Variants in PTCHD4 observed in about 807,000 individuals in gnomAD.
The protein encoded by PTCHD4 is patched domain containing 4.
Under a neutral mutation model 58.1 loss-of-function variants are expected in PTCHD4, and 33 were observed. The ratio of observed to expected loss-of-function variants is 0.57; its 90% CI spans 0.43 to 0.76. The LOEUF (loss-of-function observed/expected upper bound fraction) is 0.76. Among genes scored for constraint, PTCHD4 ranks in the 30% least tolerant of loss-of-function variants. PTCHD4 has a pLI of 0.00. For synonymous variants in PTCHD4, 478 were observed against 409.6 expected (o/e 1.17, Z -2.02); for missense variants, 1,058 against 1,027.1 (o/e 1.03, Z -0.41).
chr6:48,007,944 A>G (rs1040270436), intron 4 of PTCHD4, among the ~76,000 whole-genome samples: 2 of 151,278 alleles, frequency 1.3e-5, no homozygotes, highest in African/African-American at 4.9e-5. Context: ...GCGCACACAC[A>G]CACACACACA....
chr6:48,062,480 CTTTTAATCCTT>C (rs772413717), intron 3 of PTCHD4, among the ~76,000 whole-genome samples: 6 of 151,994 alleles, frequency 3.9e-5, no homozygotes, highest in Non-Finnish European at 8.8e-5. Flanking sequence ...TTTTAACCCT[CTTTTAATCCTT>C]GACTTAGGAA....
intron 4 of PTCHD4, among the ~76,000 whole-genome samples, chr6:47,926,873 A>G (rs1437029639): frequency 6.6e-6 from 1 of 152,220 alleles, no homozygotes; most frequent in Non-Finnish European, 1.5e-5. Flanking sequence ...CTGACACTAA[A>G]ACCTGATAAC....
At chr6:48,035,898 TG>T (rs1466314618) in intron 3 of PTCHD4, among the ~76,000 whole-genome samples, 3 of 152,164 alleles carry the variant, frequency 2.0e-5, no homozygotes, top group Non-Finnish European at 4.4e-5. Flanking sequence ...TTTCGTTGGT[TG>T]TATTCAGAGT....
chr6:47,895,296 T>A (rs1056800955), intron 4 of PTCHD4, among the ~76,000 whole-genome samples: 2 of 152,162 alleles, frequency 1.3e-5, no homozygotes, highest in African/African-American at 4.8e-5. Context: ...TAAACCTATA[T>A]AAAAACTCTA....
Position 47,879,095 on chromosome 6 carries a change from T to C in PTCHD4, c.1740A>G (p.Pro580=), listed in dbSNP as rs1260460849. The change falls in exon 5 of 5, where the codon CCA becomes CCG. Residue 580 remains proline (P), a synonymous_variant. Coordinates refer to ENST00000339488, the MANE Select transcript of PTCHD4 (RefSeq NM_001384253.1). ...TATCATTTCGAAAATGCTGGAATTC[T>C]GGCTTTTTTAAAAATGAGCTTTGCA... The part of the protein sequence containing the change: ...SVLQSSFLKK[P]EFQHFRNDII... 6.2e-7 allele frequency: 1 copy of C among 1,613,022 alleles called. No homozygotes were observed. Among genetic ancestry groups the C allele is most frequent in the African/African-American group, 1.3e-5 (1 of 74,894 alleles).
At chr6:48,085,714 G>C (rs916156738) in intron 1 of PTCHD4, among the ~76,000 whole-genome samples, 8 of 152,130 alleles carry the variant, frequency 5.3e-5, no homozygotes, top group African/African-American at 1.4e-4. Context: ...TAAGTGAGCT[G>C]CTGAGAAATT....
intron 4 of PTCHD4, among the ~76,000 whole-genome samples, chr6:47,960,904 G>A (rs1287490179): frequency 6.7e-6 from 1 of 150,188 alleles, no homozygotes; most frequent in African/African-American, 2.4e-5. Context: ...AAATCAGCAG[G>A]GTGATAGATG....
chr6:47,946,768 G>A (rs1359912283), intron 4 of PTCHD4, among the ~76,000 whole-genome samples: 1 of 151,128 alleles, frequency 6.6e-6, no homozygotes, highest in Non-Finnish European at 1.5e-5. Flanking sequence ...TTTTTGCTTT[G>A]TTTGGTACTG....
In PTCHD4 at chr6:47,860,282, A is replaced by G. The variant is rs1290813604; in HGVS notation, c.*18021T>C. 6.6e-6 allele frequency among the ~76,000 whole-genome samples: 1 copy of G among 152,100 alleles called. No individual in the cohort carries two copies. Among genetic ancestry groups the G allele is most frequent in the Non-Finnish European group, 1.5e-5 (1 of 67,986 alleles). On this transcript the variant is annotated 3_prime_UTR_variant, in exon 5 of 5. Transcript: ENST00000339488. ...ACTTTTTCTTCATCCCATATAGCAC[A>G]TGATGTTAAACTCAAGGTAATCAAG...
rs148847302 is a variant in PTCHD4, at chr6:47,914,744, TTATCTATCTATCTATC to T, written c.899-34824_899-34809del. On this transcript the variant is annotated intron_variant, in intron 4 of 4. Transcript: ENST00000339488. ...TGTCTATCTATCTATTATCTATCTA[TTATCTATCTATCTATC>T]TATCTATCTATCTATCTATCTATCT... 2.8e-4 allele frequency among the ~76,000 whole-genome samples: 32 copies of T among 116,282 alleles called. 1 individual carries two copies. The East Asian group carries it at 7.4e-3, about 27-fold the overall frequency. The allele number at this position is 116,282 out of a possible 152,430, so 76.3% of individuals were successfully genotyped here. A position where few individuals can be genotyped will look rare whatever the true frequency, so the allele number is the denominator to read the frequency against.
chr6:48,015,532 A>G (rs534917531), intron 3 of PTCHD4, among the ~76,000 whole-genome samples: 1 of 151,878 alleles, frequency 6.6e-6, no homozygotes, highest in East Asian at 1.9e-4. Flanking sequence ...TTTCCACCTT[A>G]TGATCATTGC....
rs181986248 is a variant in PTCHD4 at position 47,951,294 on chromosome 6, C to A, written c.898+57340G>T. Among the ~76,000 whole-genome samples the A allele has an allele frequency of 4.5e-4, 68 of 152,232 alleles. 1 individual carries two copies. Among genetic ancestry groups the A allele is most frequent in the African/African-American group, 1.2e-3 (51 of 41,548 alleles). On this transcript the variant is annotated intron_variant, in intron 4 of 4. Transcript: ENST00000339488. ...TATAGGGAGACTTTATCACTCCTAGCCCAAAGGGGCATTGGGAGAAGTGGC... is the reference window on the plus strand; with the variant it reads ...TATAGGGAGACTTTATCACTCCTAGACCAAAGGGGCATTGGGAGAAGTGGC...
chr6:47,978,307 C>T (rs567189770), intron 4 of PTCHD4, among the ~76,000 whole-genome samples: 1 of 152,270 alleles, frequency 6.6e-6, no homozygotes, highest in South Asian at 2.1e-4. Context: ...TCTTACTCTA[C>T]CATTATTCCT....
intron 4 of PTCHD4, among the ~76,000 whole-genome samples, chr6:47,910,485 T>A (rs1363885997): frequency 6.6e-6 from 1 of 152,170 alleles, no homozygotes; most frequent in Non-Finnish European, 1.5e-5. Flanking sequence ...TGGAATCACC[T>A]TAATAAAACC....
intron 3 of PTCHD4, among the ~76,000 whole-genome samples, chr6:48,034,435 G>A (rs1179859708): frequency 6.6e-6 from 1 of 152,028 alleles, no homozygotes; most frequent in Non-Finnish European, 1.5e-5. Flanking sequence ...ATTAGAAGTA[G>A]GGGCTAGATG....
chr6:48,070,641 A>T (rs1209157308), intron 1 of PTCHD4, among the ~76,000 whole-genome samples: 1 of 152,180 alleles, frequency 6.6e-6, no homozygotes, highest in African/African-American at 2.4e-5. Context: ...ATGCTACAAC[A>T]TTCCCAAATT....
At chr6:48,030,223 G>A (rs1763387403) in intron 3 of PTCHD4, among the ~76,000 whole-genome samples, 1 of 152,006 alleles carries the variant, frequency 6.6e-6, no homozygotes, top group Non-Finnish European at 1.5e-5. Context: ...GACATATTTT[G>A]CAACTATATT....
intron 4 of PTCHD4, among the ~76,000 whole-genome samples, chr6:47,914,977 A>G (rs1765199423): frequency 6.6e-6 from 1 of 152,098 alleles, no homozygotes; most frequent in Admixed American, 6.6e-5. Flanking sequence ...ACTTTTTCAA[A>G]TTTCTCCAAA....
In PTCHD4 at chr6:47,878,443, C is replaced by G. The variant is rs146819840; in HGVS notation, c.2392G>C (p.Val798Leu). Residue 798 changes from valine to leucine, a missense_variant, in exon 5 of 5, where the codon GTT becomes CTT. Coordinates refer to ENST00000339488, the MANE Select transcript of PTCHD4 (RefSeq NM_001384253.1). ...TGGCTLLHCF[V>L]ILPVFLTFFP... Reference sequence around the variant, plus strand: ...AACGTTAGGAACACAGGTAAAATAACAAAACAGTGCAGAAGTGTGCAACCC... The same window carrying G: ...AACGTTAGGAACACAGGTAAAATAAGAAAACAGTGCAGAAGTGTGCAACCC... 11 of 1,613,286 alleles carry G rather than the reference C, an allele frequency of 6.8e-6. No homozygotes were observed. The highest frequency in any genetic ancestry group is 1.3e-5 in the African/African-American group (1 of 74,830).
Sources: allele counts gnomAD v4.1 joint callset (sites outside exome capture counted in the v4.1 genomes callset), GRCh38; gene constraint gnomAD v4.1.1; transcripts MANE v1.5; gene names NCBI Gene and HGNC (gene_info 2026-07-23, HGNC 2026-07-21).